Variants in NMU observed in about 807,000 individuals in gnomAD.
NMU encodes neuromedin U, also known as neuromedin-U.
In NMU, 29 loss-of-function variants were observed where a neutral mutation model predicts 35.4. The observed-to-expected ratio is 0.82, with a 90% CI of 0.61 to 1.12. The LOEUF (loss-of-function observed/expected upper bound fraction) is 1.12, where lower values mean the gene tolerates loss of function less well. Among genes scored for constraint, NMU ranks in the 50% most tolerant of loss-of-function variants. The pLI is 0.00. For synonymous variants in NMU, 78 were observed against 81.3 expected, an observed-to-expected ratio of 0.96 and a Z score of 0.22; for missense variants, 199 against 206.2, an observed-to-expected ratio of 0.97 and a Z score of 0.21.
Position 55,607,419 on chromosome 4 carries a change from G to A in NMU, c.309+18C>T. The A allele has an allele frequency of 2.5e-6, 3 of 1,178,806 alleles. No homozygotes were observed. In the Admixed American group the frequency reaches 5.2e-5, roughly 21 times the overall value. 73.0% of individuals were successfully genotyped at this position (1,178,806 alleles called of 1,614,324 possible). On this transcript the variant is annotated intron_variant, in intron 5 of 9. Coordinates refer to ENST00000264218, the MANE Select transcript of NMU (RefSeq NM_006681.4). Reference sequence around the variant, plus strand: ...CCTTATTATTTTATAAGGTATAGATGTATGAAAATCATCTTACCCTTTTAG... The same window carrying A: ...CCTTATTATTTTATAAGGTATAGATATATGAAAATCATCTTACCCTTTTAG...
intron 9 of NMU, among the ~76,000 whole-genome samples, chr4:55,596,307 G>C (rs1733177853): frequency 6.7e-6 from 1 of 149,028 alleles, no homozygotes; most frequent in African/African-American, 2.4e-5. Context: ...ATTAGTTTAT[G>C]GACACCCTAA....
At chr4:55,608,197 T>G (rs1173381500) in intron 4 of NMU, among the ~76,000 whole-genome samples, 1 of 150,000 alleles carries the variant, frequency 6.7e-6, no homozygotes, top group African/African-American at 2.4e-5. Flanking sequence ...AAAAAAAATT[T>G]AAATCTTATA....
chr4:55,607,025 T>G (rs1211370031), intron 6 of NMU, among the ~76,000 whole-genome samples: 1 of 152,148 alleles, frequency 6.6e-6, no homozygotes, highest in East Asian at 1.9e-4. Flanking sequence ...ATATTTCTAG[T>G]ACCTAGGATT....
intron 2 of NMU, among the ~76,000 whole-genome samples, chr4:55,619,577 G>C (rs1311911378): frequency 7.2e-6 from 1 of 139,374 alleles, no homozygotes. Context: ...AGGCGGCAGC[G>C]AGGCTGGGGG....
chr4:55,633,710 T>A (rs60270537), intron 1 of NMU, among the ~76,000 whole-genome samples: 5,604 of 152,308 alleles, frequency 0.037, 349 homozygotes, highest in African/African-American at 0.13. Flanking sequence ...TAGCACCAAT[T>A]TTCTTTTCTC....
At chr4:55,600,464 G>A (rs1372753240) in intron 8 of NMU, 58 bp downstream of exon 8, 5 of 1,091,422 alleles carry the variant, frequency 4.6e-6, no homozygotes, top group Non-Finnish European at 7.1e-6. Context: ...AATACACAGG[G>A]AACATATTTT....
At chr4:55,603,934 T>A (rs866827786) in intron 7 of NMU, among the ~76,000 whole-genome samples, 4,923 of 91,842 alleles carry the variant, frequency 0.054, 882 homozygotes, top group East Asian at 0.14. Context: ...AAAATATATA[T>A]ATATATATAT....
At position 55,600,570 on chromosome 4, in the gene NMU, T is replaced by A. The variant is rs1363555069; in HGVS notation, c.441A>T (p.Glu147Asp). The change falls in exon 8 of 10, where the codon GAA becomes GAT. Residue 147 changes from glutamate to aspartate, a missense_variant. Coordinates refer to ENST00000264218, the MANE Select transcript of NMU (RefSeq NM_006681.4). ...RRMKRFRVDEEFQSPFASQSR... is the reference protein window; with the variant it reads ...RRMKRFRVDEDFQSPFASQSR... ...TTTGACTTGCAAAGGGACTTTGGAA[T>A]TCTTCCTAGAAGAGAAAATGAGGGC... is the stretch of plus-strand genomic sequence containing the variant. The A allele has an allele frequency of 6.2e-7, 1 of 1,608,508 alleles. No homozygotes were observed. The highest frequency in any genetic ancestry group is 1.7e-5 in the Admixed American group (1 of 59,992).
At chr4:55,628,043 A>G (rs1030200219) in intron 2 of NMU, among the ~76,000 whole-genome samples, 1 of 152,218 alleles carries the variant, frequency 6.6e-6, no homozygotes, top group African/African-American at 2.4e-5. Flanking sequence ...GGAAAGAAGA[A>G]ATTGTTCCTT....
At chr4:55,605,150 T>G in intron 7 of NMU, 125 bp downstream of exon 7, 3 of 763,288 alleles carry the variant, frequency 3.9e-6, no homozygotes, top group South Asian at 2.8e-5. Context: ...TTACATTGGC[T>G]AACTGGGTAT....
chr4:55,605,165 G>A, intron 7 of NMU, 110 bp downstream of exon 7: 2 of 806,876 alleles, frequency 2.5e-6, no homozygotes, highest in Non-Finnish European at 2.2e-6. Flanking sequence ...GGGTATTAGT[G>A]TGGGCTTATC....
chr4:55,616,183 G>C (rs769948636), intron 3 of NMU, among the ~76,000 whole-genome samples, 155 bp downstream of exon 3: 19 of 152,126 alleles, frequency 1.2e-4, no homozygotes, highest in Non-Finnish European at 1.8e-4. Context: ...TACAACACAA[G>C]CCCACAGTAT....
chr4:55,597,041 C>T (rs1470088185), intron 9 of NMU, among the ~76,000 whole-genome samples: 2 of 152,100 alleles, frequency 1.3e-5, no homozygotes, highest in African/African-American at 4.8e-5. Flanking sequence ...CACTTCTTAA[C>T]GTTGAACAAC....
chr4:55,603,681 G>A (rs1406365979), intron 7 of NMU, among the ~76,000 whole-genome samples: 1 of 151,632 alleles, frequency 6.6e-6, no homozygotes, highest in Non-Finnish European at 1.5e-5. Flanking sequence ...GGGAAGCCGA[G>A]GCAGGCGGAT....
At chr4:55,633,398 T>C (rs923466271) in intron 1 of NMU, among the ~76,000 whole-genome samples, 3 of 152,082 alleles carry the variant, frequency 2.0e-5, no homozygotes, top group Non-Finnish European at 2.9e-5. Flanking sequence ...GGAGGAGTTA[T>C]TCTTTTTTTT....
chr4:55,595,643 A>ATATTT (rs1258986050), intron 9 of NMU, among the ~76,000 whole-genome samples: 13 of 66,420 alleles, frequency 2.0e-4, no homozygotes, highest in African/African-American at 8.1e-4. Flanking sequence ...ATATATATAT[A>ATATTT]TTTTTTTTTT....
At chr4:55,607,525 T>C (rs1054455706) in intron 4 of NMU, 59 bp from the exon 5 acceptor site, 1 of 605,574 alleles carries the variant, frequency 1.7e-6, no homozygotes, top group African/African-American at 1.9e-5. Context: ...CTATCTTATA[T>C]ACAGTAATTT....
chr4:55,604,510 T>C (rs542684518), intron 7 of NMU, among the ~76,000 whole-genome samples: 1 of 150,160 alleles, frequency 6.7e-6, no homozygotes, highest in East Asian at 2.0e-4. Flanking sequence ...GTTTCCGATA[T>C]TTACTTCACG....
intron 2 of NMU, among the ~76,000 whole-genome samples, chr4:55,617,609 GT>G (rs1277581037): frequency 1.3e-5 from 2 of 151,484 alleles, no homozygotes; most frequent in Non-Finnish European, 2.9e-5. Context: ...TAATTAAGTT[GT>G]ATTAAACTTG....
Sources: gnomAD v4.1 joint callset for allele counts (sites outside exome capture counted in the v4.1 genomes callset) on GRCh38, gnomAD v4.1.1 for gene constraint, MANE v1.5 for transcripts, NCBI Gene and HGNC (gene_info 2026-07-23, HGNC 2026-07-21) for gene names.